INTS9: variants seen among roughly 807,000 people sequenced by gnomAD.
INTS9 encodes the protein integrator complex subunit 9, also known as protein related to CPSF subunits of 74 kDa.
A neutral mutation model predicts 79.7 loss-of-function variants in INTS9; 55 were observed. That is an observed-to-expected ratio of 0.69 (90% CI 0.56 to 0.86). INTS9 has a LOEUF of 0.86. Ranked by LOEUF, INTS9 falls within the 40% of genes least tolerant of loss-of-function variation. The pLI is 0.00. For synonymous variants in INTS9, 319 were observed against 325.2 expected (o/e 0.98, Z 0.20); for missense variants, 721 against 831.5 (o/e 0.87, Z 1.64).
chr8:28,852,953 T>C (rs1807928440), intron 2 of INTS9, among the ~76,000 whole-genome samples: 2 of 152,200 alleles, frequency 1.3e-5, no homozygotes, highest in Non-Finnish European at 2.9e-5. Flanking sequence ...ATGCTGACTA[T>C]AGAGATGAAA....
chr8:28,857,022 G>A (rs1306173330), intron 2 of INTS9, among the ~76,000 whole-genome samples: 1 of 152,094 alleles, frequency 6.6e-6, no homozygotes, highest in African/African-American at 2.4e-5. Flanking sequence ...GCCTCCAGTT[G>A]CATCCATGTC....
intron 8 of INTS9, among the ~76,000 whole-genome samples, chr8:28,801,613 CTTAT>C (rs1287780012): frequency 6.6e-6 from 1 of 151,958 alleles, no homozygotes; most frequent in Non-Finnish European, 1.5e-5. Context: ...TCTTTATTTA[CTTAT>C]TTATTTATTT....
intron 10 of INTS9, 33 bp from the exon 11 acceptor site, chr8:28,787,922 G>A: frequency 6.6e-7 from 1 of 1,519,270 alleles, no homozygotes; most frequent in Non-Finnish European, 9.1e-7. Context: ...CAGCATGTGA[G>A]GAAGAGCATA....
chr8:28,862,194 T>C (rs1182227882), intron 1 of INTS9: 10 of 985,202 alleles, frequency 1.0e-5, no homozygotes, highest in Non-Finnish European at 1.2e-5. Flanking sequence ...CAGCATATCA[T>C]CTACTGAGGG....
At chr8:28,853,014 A>C (rs1210203255) in intron 2 of INTS9, among the ~76,000 whole-genome samples, 1 of 152,246 alleles carries the variant, frequency 6.6e-6, no homozygotes, top group Non-Finnish European at 1.5e-5. Context: ...ATAAAGAGTA[A>C]ATTTTAAGAA....
In INTS9 at chr8:28,813,526, C is replaced by T. The variant is rs1375793872; in HGVS notation, c.575G>A (p.Ser192Asn). The T allele has an allele frequency of 6.2e-7, 1 of 1,613,776 alleles. No individual in the cohort carries two copies. Among genetic ancestry groups the T allele is most frequent in the African/African-American group, 1.3e-5 (1 of 75,018 alleles). ...YTMQEVNSALSKIQLVGYSQK... is the reference protein window; with the variant it reads ...YTMQEVNSALNKIQLVGYSQK... ...AGAATATCCCACCAGCTGGATTTTA[C>T]TAAGGGCAGAGTTCACCTCTTGCAT... Residue 192 changes from serine to asparagine, a missense_variant, in exon 7 of 17, where the codon AGT becomes AAT. Physicochemically the swap from Ser to Asn is conservative, Grantham distance 46 (BLOSUM62 1). This residue lies in a region of INTS9 where 291 missense variants were observed against 307.0 expected (regional missense o/e 0.95). Transcript: ENST00000521022.
chr8:28,833,631 CAAAAA>C (rs1806630761), intron 6 of INTS9, among the ~76,000 whole-genome samples: 1 of 106,958 alleles, frequency 9.3e-6, no homozygotes, highest in East Asian at 2.5e-4. Context: ...AAAACAAAAA[CAAAAA>C]CAAAAACAAA....
chr8:28,830,537 T>C (rs2131150529), intron 6 of INTS9, among the ~76,000 whole-genome samples: 1 of 150,880 alleles, frequency 6.6e-6, no homozygotes, highest in South Asian at 2.1e-4. Flanking sequence ...TACGGGAGAA[T>C]CGCTTGAACC....
chr8:28,770,130 A>G lies in INTS9; in HGVS notation c.1663-104T>C, dbSNP rs886368850. On this transcript the variant is annotated intron_variant, in intron 15 of 16. Coordinates refer to ENST00000521022, the MANE Select transcript of INTS9 (RefSeq NM_018250.4). ...AGACTATCCTGTCCTCACAGGCCACAGAGCCCCGGCCCGGTTTCCTCAGCC... is the reference window on the plus strand; with the variant it reads ...AGACTATCCTGTCCTCACAGGCCACGGAGCCCCGGCCCGGTTTCCTCAGCC... 49 of 1,411,828 alleles carry G rather than the reference A, an allele frequency of 3.5e-5. No individual in the cohort carries two copies. In the African/African-American group the frequency reaches 6.3e-4, roughly 18 times the overall value. 87.5% of individuals were successfully genotyped at this position (1,411,828 alleles called of 1,614,324 possible). A position where few individuals can be genotyped will look rare whatever the true frequency, so the allele number is the denominator to read the frequency against.
At chr8:28,820,034 G>T in intron 6 of INTS9, among the ~76,000 whole-genome samples, 1 of 152,004 alleles carries the variant, frequency 6.6e-6, no homozygotes, top group Non-Finnish European at 1.5e-5. Context: ...TTTATTTTGA[G>T]CCTATGTGTG....
At chr8:28,888,237 A>G (rs765055195) in intron 1 of INTS9, among the ~76,000 whole-genome samples, 14 of 152,062 alleles carry the variant, frequency 9.2e-5, no homozygotes, top group Non-Finnish European at 1.5e-4. Flanking sequence ...ACACGCCTCT[A>G]TTTCACCATG....
chr8:28,814,514 A>G (rs1472102287), intron 6 of INTS9, among the ~76,000 whole-genome samples: 1 of 152,208 alleles, frequency 6.6e-6, no homozygotes, highest in Non-Finnish European at 1.5e-5. Flanking sequence ...CAGGTGTATC[A>G]GGAAGTTGAA....
intron 10 of INTS9, among the ~76,000 whole-genome samples, chr8:28,788,711 G>T (rs763548118): frequency 9.9e-5 from 15 of 152,242 alleles, no homozygotes; most frequent in Non-Finnish European, 1.6e-4. Context: ...GAGCCACTGT[G>T]CCTGGCCCTC....
intron 4 of INTS9, among the ~76,000 whole-genome samples, chr8:28,839,797 G>A (rs1214337582): frequency 6.6e-6 from 1 of 151,302 alleles, no homozygotes; most frequent in East Asian, 1.9e-4. Flanking sequence ...AATTCAAGAT[G>A]GATTAAAGAC....
Position 28,889,917 on chromosome 8 carries a change from ACTC to A in INTS9, c.-38_-36del. On this transcript the variant is annotated 5_prime_UTR_variant, in exon 1 of 17. Coordinates refer to ENST00000521022, the MANE Select transcript of INTS9 (RefSeq NM_018250.4). ...TTGGTGGTTCAATAGCAGTCACTGA[ACTC>A]CTCAAACCCAGGAAGCGTCTTCCGG... 6.3e-7 allele frequency: 1 copy of A among 1,596,890 alleles called. No homozygotes were observed. The highest frequency in any genetic ancestry group is 8.6e-7 in the Non-Finnish European group (1 of 1,165,258).
At chr8:28,777,491 C>T (rs1007139571) in intron 13 of INTS9, among the ~76,000 whole-genome samples, 5 of 152,072 alleles carry the variant, frequency 3.3e-5, no homozygotes, top group African/African-American at 7.2e-5. Context: ...GCCCCAGTAA[C>T]GCGTTTCATT....
chr8:28,882,489 T>TA (rs1227075474), intron 1 of INTS9, among the ~76,000 whole-genome samples: 2 of 38,794 alleles, frequency 5.2e-5, no homozygotes, highest in African/African-American at 2.5e-4. Context: ...TAAAATAAAA[T>TA]AAAATAAAAA....
intron 8 of INTS9, among the ~76,000 whole-genome samples, chr8:28,809,617 C>T (rs1804993859): frequency 6.6e-6 from 1 of 152,060 alleles, no homozygotes; most frequent in African/African-American, 2.4e-5. Context: ...GAAATTACAT[C>T]AATAGTACTG....
chr8:28,813,561 T>A lies in INTS9; in HGVS notation c.540A>T (p.Arg180Ser). Residue 180 changes from arginine to serine, a missense_variant, in exon 7 of 17, where the codon AGA becomes AGT. Coordinates refer to ENST00000521022, the MANE Select transcript of INTS9 (RefSeq NM_018250.4). ...KDAVEVSTWR[R>S]CYTMQEVNSA... The stretch of plus-strand genomic sequence containing the variant: ...AGTTCACCTCTTGCATTGTATAGCA[T>A]CTTCTCCAGGTTGAGACTTCCACTG... 6.2e-7 allele frequency: 1 copy of A among 1,613,770 alleles called. No individual in the cohort carries two copies. Among genetic ancestry groups the A allele is most frequent in the Non-Finnish European group, 8.5e-7 (1 of 1,179,708 alleles).
Sources: gnomAD v4.1 joint callset for allele counts (sites outside exome capture counted in the v4.1 genomes callset) on GRCh38, gnomAD v4.1.1 for gene constraint, gnomAD v4.1.1 regional missense constraint, MANE v1.5 for transcripts, NCBI Gene and HGNC (gene_info 2026-07-23, HGNC 2026-07-21) for gene names.